Variants in GPM6A observed in about 807,000 individuals in gnomAD.
GPM6A encodes glycoprotein M6A.
A neutral mutation model predicts 32.1 loss-of-function variants in GPM6A; 7 were observed. That is an observed-to-expected ratio of 0.22 (90% CI 0.12 to 0.41). The LOEUF (loss-of-function observed/expected upper bound fraction) is 0.41. GPM6A is among the 10% of genes least tolerant of loss of function. The probability of loss-of-function intolerance (pLI) is 1.00; values close to 1 mark genes in which losing one functional copy is unlikely to be tolerated. For synonymous variants in GPM6A, 130 were observed against 123.4 expected (o/e 1.05, Z -0.35); for missense variants, 235 against 347.2 (o/e 0.68, Z 2.57).
chr4:175,662,022 TAA>T (rs1016733081), intron 3 of GPM6A, among the ~76,000 whole-genome samples: 1 of 151,922 alleles, frequency 6.6e-6, no homozygotes, highest in Non-Finnish European at 1.5e-5. Flanking sequence ...TAAATTTTTT[TAA>T]AAAAAATTAC....
intron 1 of GPM6A, among the ~76,000 whole-genome samples, chr4:175,806,701 T>G (rs1222497259): frequency 6.6e-6 from 1 of 152,242 alleles, no homozygotes; most frequent in Non-Finnish European, 1.5e-5. Context: ...TACTGACAGA[T>G]GTTGTAGAAC....
intron 1 of GPM6A, among the ~76,000 whole-genome samples, chr4:175,894,357 G>A (rs1182049721): frequency 2.6e-5 from 4 of 152,046 alleles, no homozygotes; most frequent in Non-Finnish European, 4.4e-5. Context: ...TGTATATAGC[G>A]AAAAAGCGAG....
At chr4:175,847,556 C>T (rs892396680) in intron 1 of GPM6A, among the ~76,000 whole-genome samples, 2 of 152,028 alleles carry the variant, frequency 1.3e-5, no homozygotes, top group African/African-American at 4.8e-5. Flanking sequence ...AGTATCAGTG[C>T]TTGTGTTCAA....
At chr4:175,917,209 G>C (rs1279028139) in intron 1 of GPM6A, among the ~76,000 whole-genome samples, 1 of 152,064 alleles carries the variant, frequency 6.6e-6, no homozygotes, top group Admixed American at 6.5e-5. Context: ...GCAAGCGAAT[G>C]GGTCCCAAGG....
chr4:175,880,432 T>C (rs1190667896), intron 1 of GPM6A, among the ~76,000 whole-genome samples: 2 of 152,172 alleles, frequency 1.3e-5, no homozygotes, highest in Admixed American at 1.3e-4. Flanking sequence ...AGAAAGTCAT[T>C]GTTAGCTTGA....
chr4:175,679,427 A>G (rs1282476880), intron 2 of GPM6A, among the ~76,000 whole-genome samples: 1 of 152,070 alleles, frequency 6.6e-6, no homozygotes, highest in Non-Finnish European at 1.5e-5. Flanking sequence ...AGTTAAGATG[A>G]TGTCTGATTT....
rs1035665494 is a variant in GPM6A at position 175,927,890 on chromosome 4, GA to G, written c.-23+74418del. ...ATAGAGCAAGACTCCGTCTCAAAAA[GA>G]AAAAAAAGAATAAAGATATAACTCA... On this transcript the variant is annotated intron_variant, in intron 1 of 7. Transcript: ENST00000280187. 5.3e-5 allele frequency among the ~76,000 whole-genome samples: 8 copies of G among 151,408 alleles called. No individual in the cohort carries two copies. In the East Asian group the frequency reaches 1.2e-3, roughly 22 times the overall value.
intron 1 of GPM6A, chr4:175,811,893 C>A: frequency 4.3e-6 from 1 of 233,878 alleles, no homozygotes; most frequent in Non-Finnish European, 8.2e-6. Context: ...AGTGTGAAAT[C>A]ACGAAATAAA....
At chr4:175,637,290 ATATATATT>A (rs1740739069) in intron 6 of GPM6A, among the ~76,000 whole-genome samples, 1 of 54,666 alleles carries the variant, frequency 1.8e-5, no homozygotes, top group African/African-American at 7.4e-5. Context: ...ATTATATAAA[ATATATATT>A]ATATATTATA....
Position 175,793,464 on chromosome 4 carries a change from C to G in GPM6A, c.37+18727G>C, listed in dbSNP as rs1401327561. ...CGATCTCGGCTCACTGCAACCTCTG[C>G]CTCCCAGGTTCAAGTGATTCTCCTG... On this transcript the variant is annotated intron_variant, in intron 1 of 6. Transcript: ENST00000393658. 2.6e-5 allele frequency among the ~76,000 whole-genome samples: 4 copies of G among 152,264 alleles called. No homozygotes were observed. In the East Asian group the frequency reaches 7.7e-4, roughly 29 times the overall value.
chr4:175,863,275 C>G (rs768664695), intron 1 of GPM6A, among the ~76,000 whole-genome samples: 10 of 152,170 alleles, frequency 6.6e-5, no homozygotes, highest in Middle Eastern at 3.4e-3. Flanking sequence ...GAGATCTCTT[C>G]TTTGACATTA....
chr4:175,664,002 T>C (rs1742590753), intron 3 of GPM6A, among the ~76,000 whole-genome samples: 1 of 152,082 alleles, frequency 6.6e-6, no homozygotes, highest in South Asian at 2.1e-4. Context: ...AAAATATAAA[T>C]ATTTTTAAAA....
intron 3 of GPM6A, among the ~76,000 whole-genome samples, chr4:175,667,189 G>C (rs1037852268): frequency 6.6e-6 from 1 of 152,008 alleles, no homozygotes; most frequent in Non-Finnish European, 1.5e-5. Context: ...GGAAAGCATG[G>C]GTCAGATAAT....
At chr4:175,813,154 A>G (rs1276633974), upstream of GPM6A, 1 of 793,732 alleles carries the variant, frequency 1.3e-6, no homozygotes, top group Non-Finnish European at 1.5e-6. Flanking sequence ...TAGCCCACGA[A>G]AGCTGCTGGT....
At chr4:175,964,311 C>T (rs1050223819) in intron 1 of GPM6A, among the ~76,000 whole-genome samples, 2 of 151,680 alleles carry the variant, frequency 1.3e-5, no homozygotes, top group African/African-American at 4.8e-5. Flanking sequence ...ACAACAACAA[C>T]AACAACAACA....
At chr4:175,885,959 A>G (rs1330310309) in intron 1 of GPM6A, among the ~76,000 whole-genome samples, 2 of 152,302 alleles carry the variant, frequency 1.3e-5, no homozygotes, top group East Asian at 3.9e-4. Flanking sequence ...ATCTGAGGAA[A>G]TCACTCAGAA....
chr4:175,943,833 GA>G (rs1472870574), intron 1 of GPM6A, among the ~76,000 whole-genome samples: 1 of 152,114 alleles, frequency 6.6e-6, no homozygotes, highest in African/African-American at 2.4e-5. Context: ...ATATTGGCCT[GA>G]GATTTTCTTT....
intron 1 of GPM6A, among the ~76,000 whole-genome samples, chr4:175,805,272 T>C (rs1230315268): frequency 1.3e-5 from 2 of 152,192 alleles, no homozygotes; most frequent in Non-Finnish European, 2.9e-5. Flanking sequence ...TTCTCCCATA[T>C]TTTATTTTTG....
intron 1 of GPM6A, among the ~76,000 whole-genome samples, chr4:175,750,359 T>A (rs10002829): frequency 0.77 from 117,279 of 152,028 alleles, 45,608 homozygotes; most frequent in Non-Finnish European, 0.82. Flanking sequence ...CACCTGGCCC[T>A]AAGTGAGCCT....
Sources: gnomAD v4.1 joint callset for allele counts (sites outside exome capture counted in the v4.1 genomes callset) on GRCh38, gnomAD v4.1.1 for gene constraint, MANE v1.5 for transcripts, NCBI Gene and HGNC (gene_info 2026-07-23, HGNC 2026-07-21) for gene names.